The following DAB2IP variants were observed in gnomAD, a reference collection of about 807,000 sequenced individuals.
The protein encoded by DAB2IP is DAB2 interacting protein.
In DAB2IP, 28 loss-of-function variants were observed where a neutral mutation model predicts 107.2. That is an observed-to-expected ratio of 0.26 (90% CI 0.19 to 0.36). DAB2IP has a LOEUF of 0.36. Ranked by LOEUF, DAB2IP falls within the 10% of genes least tolerant of loss-of-function variation. The pLI is 1.00. For synonymous variants in DAB2IP, 755 were observed against 706.4 expected, an observed-to-expected ratio of 1.07 and a Z score of -1.09; for missense variants, 1,400 against 1,644.7, an observed-to-expected ratio of 0.85 and a Z score of 2.57.
chr9:121,722,111 C>G (rs1449007068), intron 3 of DAB2IP, among the ~76,000 whole-genome samples: 2 of 152,214 alleles, frequency 1.3e-5, no homozygotes, highest in Non-Finnish European at 2.9e-5. Context: ...TTAAGAGAAA[C>G]CTCCAGGACA....
intron 1 of DAB2IP, among the ~76,000 whole-genome samples, chr9:121,658,673 G>T (rs1199509354): frequency 2.0e-5 from 3 of 151,888 alleles, no homozygotes; most frequent in Admixed American, 6.6e-5. Flanking sequence ...ATAATAACGA[G>T]AAAAAAAAGT....
rs1833256337 is a variant in DAB2IP, at chr9:121,662,638, C to T, written c.124+10739C>T. On this transcript the variant is annotated intron_variant, in intron 1 of 15. Coordinates refer to ENST00000408936, the Ensembl canonical transcript of DAB2IP. The surrounding 1 kb of genome is among the most constrained non-coding windows in gnomAD (Gnocchi z 4.6). ...GGAAAGTTTGCTGACGCCCAAGATACAGCTAAAGCCACCTACTCTCTCTCC... is the reference window on the plus strand; with the variant it reads ...GGAAAGTTTGCTGACGCCCAAGATATAGCTAAAGCCACCTACTCTCTCTCC... 6.6e-6 allele frequency among the ~76,000 whole-genome samples: 1 copy of T among 152,222 alleles called. No individual in the cohort carries two copies. The highest frequency in any genetic ancestry group is 6.5e-5 in the Admixed American group (1 of 15,288).
At chr9:121,573,975 A>G (rs1485051220) in intron 1 of DAB2IP, among the ~76,000 whole-genome samples, 2 of 152,092 alleles carry the variant, frequency 1.3e-5, no homozygotes, top group African/African-American at 4.8e-5. Flanking sequence ...GGCAGGAGCC[A>G]TGTCAGCTCA....
In DAB2IP at chr9:121,782,337, C is replaced by T; in HGVS notation, c.3409C>T (p.Arg1137Cys). 6.2e-7 allele frequency: 1 copy of T among 1,613,734 alleles called. No individual in the cohort carries two copies. The change falls in exon 16 of 16, where the codon CGC becomes TGC. Residue 1137 changes from arginine (R) to cysteine (C), a missense_variant. Physicochemically the swap from Arg to Cys is radical, Grantham distance 180. This residue lies in a region of DAB2IP where 600 missense variants were observed against 659.1 expected (regional missense o/e 0.91). Transcript: ENST00000408936. This position sits in a 1 kb window ranked among gnomAD's most constrained non-coding sequence, Gnocchi z 6.1. ...ACATCCCCATTGTCCACAGGAGAAG[C>T]GCATTGCCTCGTTGGATGCCGCCAA...
intron 3 of DAB2IP, among the ~76,000 whole-genome samples, chr9:121,713,569 T>A (rs1471632513): frequency 2.0e-5 from 3 of 152,136 alleles, no homozygotes; most frequent in Non-Finnish European, 4.4e-5. Context: ...TGCACTCAAC[T>A]TTGGCCAGTA....
Position 121,782,680 on chromosome 9 carries a change from C to G in DAB2IP, c.*182C>G. On this transcript the variant is annotated 3_prime_UTR_variant, in exon 16 of 16. Coordinates refer to ENST00000408936, the Ensembl canonical transcript of DAB2IP. The surrounding 1 kb of genome is among the most constrained non-coding windows in gnomAD (Gnocchi z 6.1). The stretch of plus-strand genomic sequence containing the variant: ...AGGGAGCCACCAGAGACTGAAGCAG[C>G]GTGAGGCGAGGTCACCAGCCGCTCC... 3 of 1,429,456 alleles carry G rather than the reference C, an allele frequency of 2.1e-6. No homozygotes were observed. The highest frequency in any genetic ancestry group is 2.7e-6 in the Non-Finnish European group (3 of 1,095,616). The allele number at this position is 1,429,456 out of a possible 1,614,324, so 88.5% of individuals were successfully genotyped here.
chr9:121,737,694 GGCCTGC>G, intron 3 of DAB2IP: 1 of 985,478 alleles, frequency 1.0e-6, no homozygotes. Flanking sequence ...TCAGCAGAGA[GGCCTGC>G]GCTCCCACCA....
chr9:121,657,822 A>G (rs942392311), intron 1 of DAB2IP, among the ~76,000 whole-genome samples: 1 of 152,084 alleles, frequency 6.6e-6, no homozygotes, highest in Non-Finnish European at 1.5e-5. Context: ...CTTGGAGCCT[A>G]TTTGCCCAGC....
chr9:121,726,701 GC>G (rs1564182227), intron 3 of DAB2IP, among the ~76,000 whole-genome samples: 1 of 152,146 alleles, frequency 6.6e-6, no homozygotes, highest in African/African-American at 2.4e-5. Flanking sequence ...AACCCCTCCC[GC>G]CCCCACCACA....
intron 1 of DAB2IP, among the ~76,000 whole-genome samples, chr9:121,646,207 C>T (rs903487888): frequency 6.6e-6 from 1 of 152,208 alleles, no homozygotes; most frequent in African/African-American, 2.4e-5. Flanking sequence ...CAAACGATGT[C>T]ATTAAATATA....
intron 1 of DAB2IP, among the ~76,000 whole-genome samples, chr9:121,583,165 T>A (rs1271742072): frequency 2.0e-5 from 3 of 152,178 alleles, no homozygotes; most frequent in Admixed American, 1.3e-4. Flanking sequence ...GGTGGGTGGA[T>A]CACTTAAGGT....
intron 14 of DAB2IP, among the ~76,000 whole-genome samples, chr9:121,778,810 G>A (rs946183240): frequency 4.6e-5 from 7 of 152,280 alleles, no homozygotes; most frequent in African/African-American, 1.7e-4. Flanking sequence ...TAATGACAGG[G>A]AGTCTGTCAT....
intron 1 of DAB2IP, among the ~76,000 whole-genome samples, chr9:121,637,942 C>A (rs1049514132): frequency 1.8e-4 from 28 of 152,204 alleles, no homozygotes; most frequent in Admixed American, 7.8e-4. Context: ...TCATGATGCA[C>A]GAGGCCCAGG....
intron 3 of DAB2IP, chr9:121,742,723 C>A: frequency 1.0e-6 from 1 of 985,680 alleles, no homozygotes; most frequent in African/African-American, 1.7e-5. Flanking sequence ...CCTGCACCTG[C>A]CTTTTCTTCC....
At chr9:121,600,117 G>A (rs2118950984) in intron 1 of DAB2IP, among the ~76,000 whole-genome samples, 1 of 152,138 alleles carries the variant, frequency 6.6e-6, no homozygotes, top group Non-Finnish European at 1.5e-5. Flanking sequence ...GTTGGGGGTG[G>A]GGGGTGCCAG....
At chr9:121,748,164 G>A (rs1217113296) in intron 3 of DAB2IP, among the ~76,000 whole-genome samples, 1 of 152,164 alleles carries the variant, frequency 6.6e-6, no homozygotes, top group African/African-American at 2.4e-5. Context: ...GGGTTTTTGT[G>A]GCTTTCTCTG....
At chr9:121,773,530 C>G in intron 12 of DAB2IP, 35 bp downstream of exon 12, 3 of 1,442,412 alleles carry the variant, frequency 2.1e-6, no homozygotes, top group Non-Finnish European at 2.7e-6. Context: ...GGGCTGGGCA[C>G]TTGGGCCCAG....
At chr9:121,667,264 G>A (rs1471591200) in intron 1 of DAB2IP, among the ~76,000 whole-genome samples, 1 of 152,052 alleles carries the variant, frequency 6.6e-6, no homozygotes, top group Non-Finnish European at 1.5e-5. Flanking sequence ...CACCCACCTT[G>A]GCCTCCCAAA....
At chr9:121,601,552 T>C (rs1057330619) in intron 1 of DAB2IP, among the ~76,000 whole-genome samples, 1 of 152,210 alleles carries the variant, frequency 6.6e-6, no homozygotes, top group East Asian at 1.9e-4. Context: ...GGTCCCCTGG[T>C]GCCTGGCATT....
Sources: allele counts gnomAD v4.1 joint callset (sites outside exome capture counted in the v4.1 genomes callset), GRCh38; gene constraint gnomAD v4.1.1; regional missense constraint gnomAD v4.1.1; non-coding constraint Gnocchi (gnomAD v3.1); transcripts MANE v1.5; gene names NCBI Gene and HGNC (gene_info 2026-07-23, HGNC 2026-07-21).